The following BBX variants were observed in gnomAD, a reference collection of about 807,000 sequenced individuals.
The protein encoded by BBX is BBX high mobility group box domain containing.
In BBX, 30 loss-of-function variants were observed where a neutral mutation model predicts 100.2. That is an observed-to-expected ratio of 0.30 (90% CI 0.22 to 0.41). BBX has a LOEUF of 0.41. Among genes scored for constraint, BBX ranks in the 10% least tolerant of loss-of-function variants. The pLI is 1.00. For synonymous variants in BBX, 376 were observed against 388.1 expected, an observed-to-expected ratio of 0.97 and a Z score of 0.37; for missense variants, 1,023 against 1,129.8, an observed-to-expected ratio of 0.91 and a Z score of 1.35.
At position 107,716,597 on chromosome 3, in the gene BBX, G is replaced by A; in HGVS notation, c.163-10G>A. ...TGTTAAAGATCTGGCTTTGTTTTTG[G>A]TGGTAATAGGTTCAACTTCTTGGGG... On this transcript the variant is annotated splice_polypyrimidine_tract_variant and intron_variant, in intron 4 of 17. Transcript: ENST00000325805. The A allele has an allele frequency of 6.2e-7, 1 of 1,609,650 alleles. No homozygotes were observed. The highest frequency in any genetic ancestry group is 8.5e-7 in the Non-Finnish European group (1 of 1,176,552).
intron 17 of BBX, among the ~76,000 whole-genome samples, chr3:107,803,654 C>T (rs575754683): frequency 6.6e-6 from 1 of 152,286 alleles, no homozygotes; most frequent in Non-Finnish European, 1.5e-5. Flanking sequence ...CCTTTTTAGT[C>T]CCATTTTAAT....
chr3:107,644,311 T>C (rs1248323482), intron 2 of BBX, among the ~76,000 whole-genome samples: 1 of 152,206 alleles, frequency 6.6e-6, no homozygotes, highest in Non-Finnish European at 1.5e-5. Context: ...AAACTCACAC[T>C]GTCAAAATTA....
At chr3:107,681,255 T>C (rs2059558378) in intron 3 of BBX, among the ~76,000 whole-genome samples, 1 of 152,174 alleles carries the variant, frequency 6.6e-6, no homozygotes, top group Non-Finnish European at 1.5e-5. Context: ...CTTAAGCATA[T>C]AGTAGATGAG....
chr3:107,619,511 A>G (rs1396712699), intron 2 of BBX, among the ~76,000 whole-genome samples: 2 of 151,836 alleles, frequency 1.3e-5, no homozygotes, highest in Admixed American at 6.6e-5. Context: ...AAAACTTATT[A>G]TATTTACCCA....
intron 2 of BBX, among the ~76,000 whole-genome samples, chr3:107,592,360 C>CAAAAAAAAAA (rs398052177): frequency 5.3e-5 from 4 of 74,900 alleles, no homozygotes; most frequent in African/African-American, 2.1e-4. Flanking sequence ...GACCCTGTCT[C>CAAAAAAAAAA]AAAAAAAAAA....
intron 2 of BBX, among the ~76,000 whole-genome samples, chr3:107,627,125 G>A (rs1273227163): frequency 2.0e-5 from 3 of 152,214 alleles, no homozygotes; most frequent in Non-Finnish European, 4.4e-5. Flanking sequence ...GTGGAAGGAA[G>A]TACTACTAGG....
At chr3:107,698,892 T>G (rs940004365) in intron 3 of BBX, among the ~76,000 whole-genome samples, 6 of 151,734 alleles carry the variant, frequency 4.0e-5, no homozygotes, top group African/African-American at 1.5e-4. Context: ...TTTGAGTAAT[T>G]GTTAGGAATG....
At position 107,621,977 on chromosome 3, in the gene BBX, G is replaced by A. The variant is rs146539151; in HGVS notation, c.-83-23859G>A. Among the ~76,000 whole-genome samples, 1,301 of 152,184 alleles carry A rather than the reference G, an allele frequency of 8.5e-3. 25 individuals are homozygous for A. The highest frequency in any genetic ancestry group is 0.03 in the African/African-American group (1,240 of 41,508). On this transcript the variant is annotated intron_variant, in intron 2 of 17. Transcript: ENST00000325805. The stretch of plus-strand genomic sequence containing the variant: ...TTACCAGCAGTAATACTGGCTTTTT[G>A]TGTGTATCATTCTGTGAAGTTTAAA...
chr3:107,745,895 A>C (rs778724329), intron 8 of BBX, among the ~76,000 whole-genome samples: 1 of 152,148 alleles, frequency 6.6e-6, no homozygotes, highest in African/African-American at 2.4e-5. Context: ...AATTTTGGAT[A>C]TGTTAGCATG....
chr3:107,651,956 G>A (rs2057864738), intron 3 of BBX, among the ~76,000 whole-genome samples: 1 of 152,084 alleles, frequency 6.6e-6, no homozygotes, highest in Non-Finnish European at 1.5e-5. Flanking sequence ...CTGAGGAAGG[G>A]GCTTTACTGG....
rs531711512 is a variant in BBX at position 107,635,956 on chromosome 3, C to T, written c.-83-9880C>T. ...CAGACTCCTGACCTGGTGATCCTCCCGCCTCGGCCTCCCAAAGTGTTGAGA... is the reference window on the plus strand; with the variant it reads ...CAGACTCCTGACCTGGTGATCCTCCTGCCTCGGCCTCCCAAAGTGTTGAGA... On this transcript the variant is annotated intron_variant, in intron 2 of 17. Transcript: ENST00000325805. Among the ~76,000 whole-genome samples, 12 of 152,226 alleles carry T rather than the reference C, an allele frequency of 7.9e-5. No individual in the cohort carries two copies. In the South Asian group the frequency reaches 1.0e-3, roughly 13 times the overall value.
chr3:107,751,921 G>A lies in BBX; in HGVS notation c.826-3677G>A, dbSNP rs183326250. Among the ~76,000 whole-genome samples, 4 of 152,258 alleles carry A rather than the reference G, an allele frequency of 2.6e-5. No individual in the cohort carries two copies. In the East Asian group the frequency reaches 7.7e-4, roughly 29 times the overall value. On this transcript the variant is annotated intron_variant, in intron 9 of 17. Coordinates refer to ENST00000325805, the MANE Select transcript of BBX (RefSeq NM_001142568.3). ...TATCTGTGTCTTCTGTTGTTTACAG[G>A]TAGAGTGACACATCAGTTACTTTTT...
chr3:107,616,386 C>A (rs113790236), intron 2 of BBX, among the ~76,000 whole-genome samples: 1 of 152,098 alleles, frequency 6.6e-6, no homozygotes, highest in Admixed American at 6.5e-5. Flanking sequence ...AGAGATCCCA[C>A]GTGCCCTTTA....
intron 2 of BBX, among the ~76,000 whole-genome samples, chr3:107,554,939 A>G (rs777287500): frequency 2.8e-4 from 42 of 151,908 alleles, no homozygotes; most frequent in Non-Finnish European, 5.1e-4. Flanking sequence ...ATGGTGACGC[A>G]TGCCTGTAAT....
intron 2 of BBX, among the ~76,000 whole-genome samples, chr3:107,531,604 C>T (rs1266779779): frequency 6.6e-6 from 1 of 151,740 alleles, no homozygotes; most frequent in Non-Finnish European, 1.5e-5. Context: ...GTGATTCTCA[C>T]CTCTAGTTAT....
At chr3:107,781,020 A>T (rs1178143481) in intron 13 of BBX, among the ~76,000 whole-genome samples, 1 of 152,020 alleles carries the variant, frequency 6.6e-6, no homozygotes, top group Non-Finnish European at 1.5e-5. Flanking sequence ...TTCAATATTC[A>T]TTATATTTTC....
At chr3:107,578,417 AGAT>A (rs2051989934) in intron 2 of BBX, among the ~76,000 whole-genome samples, 2 of 83,416 alleles carry the variant, frequency 2.4e-5, no homozygotes, top group Non-Finnish European at 7.0e-5. Flanking sequence ...CTTGACTGAA[AGAT>A]AGAGTGAGGT....
In BBX at chr3:107,584,061, TATCA is replaced by T. The variant is rs1559839757; in HGVS notation, c.-84+57664_-84+57667del. On this transcript the variant is annotated intron_variant, in intron 2 of 17. Coordinates refer to ENST00000325805, the MANE Select transcript of BBX (RefSeq NM_001142568.3). ...TTATATATATTATATATATTATATA[TATCA>T]TATATTATATATATTATATATATCA... is the stretch of plus-strand genomic sequence containing the variant. 4.1e-3 allele frequency among the ~76,000 whole-genome samples: 124 copies of T among 30,198 alleles called. 7 individuals carry two copies. The highest frequency in any genetic ancestry group is 0.02 in the African/African-American group (120 of 5,972). 19.8% of individuals were successfully genotyped at this position (30,198 alleles called of 152,430 possible).
chr3:107,674,191 A>G (rs1412937627), intron 3 of BBX, among the ~76,000 whole-genome samples: 1 of 152,120 alleles, frequency 6.6e-6, no homozygotes, highest in African/African-American at 2.4e-5. Context: ...TCACATGTAA[A>G]TATCTTTGGA....
Sources: allele counts gnomAD v4.1 joint callset (sites outside exome capture counted in the v4.1 genomes callset), GRCh38; gene constraint gnomAD v4.1.1; transcripts MANE v1.5; gene names NCBI Gene and HGNC (gene_info 2026-07-23, HGNC 2026-07-21).